Variants in ZBTB49 observed in about 807,000 individuals in gnomAD.
The protein encoded by ZBTB49 is zinc finger and BTB domain containing 49.
In ZBTB49, 43 loss-of-function variants were observed where a neutral mutation model predicts 57.5. That is an observed-to-expected ratio of 0.75 (90% CI 0.59 to 0.97). ZBTB49 has a LOEUF of 0.97. Among genes scored for constraint, ZBTB49 ranks in the 50% least tolerant of loss-of-function variants. The pLI, the probability that ZBTB49 is intolerant of heterozygous loss-of-function variation, is 0.00. For missense variants in ZBTB49, 938 were observed against 947.7 expected, an observed-to-expected ratio of 0.99 and a Z score of 0.13; for synonymous variants, 369 against 362.1, an observed-to-expected ratio of 1.02 and a Z score of -0.22.
chr4:4,314,113 T>A (rs1053826125), intron 5 of ZBTB49, among the ~76,000 whole-genome samples: 13 of 152,210 alleles, frequency 8.5e-5, no homozygotes, highest in Admixed American at 1.3e-4. Context: ...GGAAAACCAT[T>A]TCTCTGCCAA....
intron 3 of ZBTB49, among the ~76,000 whole-genome samples, chr4:4,305,476 C>T (rs544173213): frequency 6.6e-6 from 1 of 152,122 alleles, no homozygotes; most frequent in Non-Finnish European, 1.5e-5. Context: ...TTCTGTAGGC[C>T]ACATTTCAGA....
At position 4,321,375 on chromosome 4, in the gene ZBTB49, C is replaced by T. The variant is rs544029055; in HGVS notation, c.*59C>T. 29 of 1,557,102 alleles carry T rather than the reference C, an allele frequency of 1.9e-5. 1 individual carries two copies. In the South Asian group the frequency reaches 3.1e-4, roughly 17 times the overall value. On this transcript the variant is annotated 3_prime_UTR_variant, in exon 8 of 8. Transcript: ENST00000337872. ...TCAGTTTAGCAGGCTGGTGTTAAGG[C>T]TGTAGGAGGACCCAGTTTCCCCATG...
At chr4:4,319,909 C>G (rs1385641148) in intron 7 of ZBTB49, among the ~76,000 whole-genome samples, 1 of 151,768 alleles carries the variant, frequency 6.6e-6, no homozygotes, top group African/African-American at 2.4e-5. Context: ...AATATTAATA[C>G]AAAAATTAGC....
chr4:4,305,866 G>T (rs1479733687), intron 3 of ZBTB49, among the ~76,000 whole-genome samples: 3 of 152,152 alleles, frequency 2.0e-5, no homozygotes, highest in Non-Finnish European at 2.9e-5. Context: ...CAGAACGTGG[G>T]TCTGCTCTGG....
intron 1 of ZBTB49, among the ~76,000 whole-genome samples, chr4:4,296,020 G>C (rs527490590): frequency 3.3e-4 from 50 of 152,362 alleles, no homozygotes; most frequent in African/African-American, 1.2e-3. Context: ...GAAAGTGATT[G>C]TCAAGGGAAA....
Position 4,302,356 on chromosome 4 carries a change from C to T in ZBTB49, c.520C>T (p.His174Tyr), listed in dbSNP as rs773961820. The change falls in exon 3 of 8, where the codon CAT becomes TAT. Residue 174 changes from histidine to tyrosine, a missense_variant. Physicochemically the swap from His to Tyr is moderately conservative, Grantham distance 83. Around this residue, in one of 3 missense-constraint regions of ZBTB49, gnomAD observed 835 missense variants for 819.1 expected, o/e 1.02. Coordinates refer to ENST00000337872, the MANE Select transcript of ZBTB49 (RefSeq NM_145291.4). ...GCAGAACAAAACGTTGGATGAATCG[C>T]ATCCGCATGCTTCACCATCAGTTAA... is the stretch of plus-strand genomic sequence containing the variant. The part of the protein sequence containing the change: ...AQQNKTLDES[H>Y]PHASPSVNRH... The T allele has an allele frequency of 3.1e-6, 5 of 1,614,238 alleles. No homozygotes were observed. Among genetic ancestry groups the T allele is most frequent in the Non-Finnish European group, 4.2e-6 (5 of 1,180,044 alleles).
Position 4,320,986 on chromosome 4 carries a change from G to T in ZBTB49, c.1968G>T (p.Arg656=). The T allele has an allele frequency of 6.2e-7, 1 of 1,614,208 alleles. No individual in the cohort carries two copies. The change falls in exon 8 of 8, where the codon CGG becomes CGT. Residue 656 remains arginine, a synonymous_variant. Transcript: ENST00000337872. ...SHSGGSYCKL[R]SMIQPHGVSD... ...CTGGCGGCTCCTATTGTAAGTTACGGTCCATGATCCAACCTCATGGAGTTA... is the reference window on the plus strand; with the variant it reads ...CTGGCGGCTCCTATTGTAAGTTACGTTCCATGATCCAACCTCATGGAGTTA...
intron 7 of ZBTB49, among the ~76,000 whole-genome samples, chr4:4,318,623 AAAAC>A (rs1452137691): frequency 6.6e-6 from 1 of 152,318 alleles, no homozygotes; most frequent in Non-Finnish European, 1.5e-5. Flanking sequence ...CAAAAACAAA[AAAAC>A]AAAAAAGATA....
chr4:4,308,516 G>A lies in ZBTB49; in HGVS notation c.1302+2332G>A, dbSNP rs578131777. Among the ~76,000 whole-genome samples the A allele has an allele frequency of 3.9e-5, 6 of 152,180 alleles. No individual in the cohort carries two copies. The East Asian group carries it at 1.2e-3, about 29-fold the overall frequency. On this transcript the variant is annotated intron_variant, in intron 4 of 7. Coordinates refer to ENST00000337872, the MANE Select transcript of ZBTB49 (RefSeq NM_145291.4). ...CCCGATCCAGAAACCCTTCCCTTCTGTATTGGTCTGTGTACTTTTGTTAGG... is the reference window on the plus strand; with the variant it reads ...CCCGATCCAGAAACCCTTCCCTTCTATATTGGTCTGTGTACTTTTGTTAGG...
intron 1 of ZBTB49, among the ~76,000 whole-genome samples, chr4:4,294,457 A>G (rs567296416): frequency 5.3e-4 from 81 of 152,262 alleles, no homozygotes; most frequent in Middle Eastern, 6.8e-3. Flanking sequence ...TCTGGGTTCA[A>G]GCGATTCTCC....
At chr4:4,315,401 T>C (rs1422941843) in intron 5 of ZBTB49, among the ~76,000 whole-genome samples, 1 of 152,152 alleles carries the variant, frequency 6.6e-6, no homozygotes, top group Non-Finnish European at 1.5e-5. Flanking sequence ...GAAAGTGTGA[T>C]GAAATCAGGT....
chr4:4,315,555 T>G lies in ZBTB49; in HGVS notation c.1377-81T>G, dbSNP rs1420659862. 3.6e-6 allele frequency: 5 copies of G among 1,387,024 alleles called. No individual in the cohort carries two copies. The African/African-American group carries it at 5.7e-5, about 16-fold the overall frequency. 85.9% of individuals were successfully genotyped at this position (1,387,024 alleles called of 1,614,324 possible). On this transcript the variant is annotated intron_variant, in intron 5 of 7. Transcript: ENST00000337872. ...TGCAGCAGTGTCAGGAGCAGGTATCTCCTCCCTCAGAGAGTTGCAGTTATA... is the reference window on the plus strand; with the variant it reads ...TGCAGCAGTGTCAGGAGCAGGTATCGCCTCCCTCAGAGAGTTGCAGTTATA...
chr4:4,303,154 G>C, intron 3 of ZBTB49, 63 bp downstream of exon 3: 1 of 1,451,366 alleles, frequency 6.9e-7, no homozygotes, highest in South Asian at 1.7e-5. Flanking sequence ...AGACACCACT[G>C]GCTCTTCTTG....
rs1434685215 is a variant in ZBTB49, at chr4:4,300,199, A to G, written c.152+102A>G. 34 of 1,296,596 alleles carry G rather than the reference A, an allele frequency of 2.6e-5. No individual in the cohort carries two copies. In the South Asian group the frequency reaches 4.5e-4, roughly 17 times the overall value. 80.3% of individuals were successfully genotyped at this position (1,296,596 alleles called of 1,614,324 possible). ...GTTCTCCTTGGATTTCACTATCTTT[A>G]TCTTTTATAGCACATTGGATTTTGT... On this transcript the variant is annotated intron_variant, in intron 2 of 7. Transcript: ENST00000337872.
chr4:4,308,733 G>C (rs1720851398), intron 4 of ZBTB49, among the ~76,000 whole-genome samples: 2 of 152,226 alleles, frequency 1.3e-5, no homozygotes, highest in South Asian at 4.1e-4. Context: ...ATGGCCTCCA[G>C]GAGCTTATTG....
chr4:4,300,076 C>T lies in ZBTB49; in HGVS notation c.131C>T (p.Ala44Val). ...TTTAAAGCGCATAAGAATGTCCTGG[C>T]AGCATTCAGCCAGTATTTTAGGTGG... is the stretch of plus-strand genomic sequence containing the variant. Reference protein sequence around the residue: ...VCFKAHKNVLAAFSQYFRSLF... With the variant: ...VCFKAHKNVLVAFSQYFRSLF... The change falls in exon 2 of 8, where the codon GCA becomes GTA. Residue 44 changes from alanine to valine, a missense_variant. This residue lies in a region of ZBTB49 where 100 missense variants were observed against 112.5 expected (regional missense o/e 0.89). Coordinates refer to ENST00000337872, the MANE Select transcript of ZBTB49 (RefSeq NM_145291.4). The T allele has an allele frequency of 1.2e-6, 2 of 1,614,146 alleles. No individual in the cohort carries two copies. Among genetic ancestry groups the T allele is most frequent in the Non-Finnish European group, 1.7e-6 (2 of 1,180,012 alleles).
intron 1 of ZBTB49, among the ~76,000 whole-genome samples, 151 bp from the exon 2 acceptor site, chr4:4,299,776 G>GTTGT (rs1553803868): frequency 0.022 from 2,304 of 103,670 alleles, 39 homozygotes; most frequent in East Asian, 0.064. Context: ...CAGAAACAGA[G>GTTGT]GTGTGTGTGT....
At chr4:4,312,153 G>T (rs958610568) in intron 4 of ZBTB49, among the ~76,000 whole-genome samples, 8 of 152,100 alleles carry the variant, frequency 5.3e-5, no homozygotes, top group South Asian at 2.1e-4. Flanking sequence ...CCTCATTTCA[G>T]TAGGTTTTCC....
chr4:4,317,916 T>C (rs1186988811), intron 7 of ZBTB49, among the ~76,000 whole-genome samples: 4 of 152,192 alleles, frequency 2.6e-5, no homozygotes, highest in Admixed American at 2.6e-4. Flanking sequence ...TAGTGGCAGC[T>C]TCCTATAGGG....
Sources: gnomAD v4.1 joint callset for allele counts (sites outside exome capture counted in the v4.1 genomes callset) on GRCh38, gnomAD v4.1.1 for gene constraint, gnomAD v4.1.1 regional missense constraint, MANE v1.5 for transcripts, NCBI Gene and HGNC (gene_info 2026-07-23, HGNC 2026-07-21) for gene names.